Variants in FAM135A observed in about 807,000 individuals in gnomAD.
The protein encoded by FAM135A is family with sequence similarity 135 member A.
Under a neutral mutation model 146.8 loss-of-function variants are expected in FAM135A, and 79 were observed. That is an observed-to-expected ratio of 0.54 (90% CI 0.45 to 0.65). The LOEUF (loss-of-function observed/expected upper bound fraction) is 0.65, where lower values mean the gene tolerates loss of function less well. Ranked by LOEUF, FAM135A falls within the 30% of genes least tolerant of loss-of-function variation. The pLI is 0.00. For missense variants in FAM135A, 1,623 were observed against 1,758.2 expected, an observed-to-expected ratio of 0.92 and a Z score of 1.38; for synonymous variants, 562 against 603.6, an observed-to-expected ratio of 0.93 and a Z score of 1.01.
chr6:70,547,879 A>G (rs1338763762), intron 20 of FAM135A, among the ~76,000 whole-genome samples: 1 of 152,190 alleles, frequency 6.6e-6, no homozygotes, highest in Non-Finnish European at 1.5e-5. Context: ...CATCCTATAA[A>G]TAGGGAAATC....
At chr6:70,438,306 C>T (rs1188261678) in intron 4 of FAM135A, among the ~76,000 whole-genome samples, 1 of 152,168 alleles carries the variant, frequency 6.6e-6, no homozygotes, top group Non-Finnish European at 1.5e-5. Context: ...CAGTAATCCT[C>T]CCTTAAGTAG....
At chr6:70,551,874 G>A (rs564654565) in intron 20 of FAM135A, among the ~76,000 whole-genome samples, 1 of 152,190 alleles carries the variant, frequency 6.6e-6, no homozygotes, top group East Asian at 1.9e-4. Flanking sequence ...ACTGATCACA[G>A]ATCACCATAA....
At position 70,420,575 on chromosome 6, in the gene FAM135A, AC is replaced by A. The variant is rs543211280; in HGVS notation, c.-134+5200del. 3.9e-5 allele frequency among the ~76,000 whole-genome samples: 6 copies of A among 152,306 alleles called. No homozygotes were observed. In the South Asian group the frequency reaches 1.0e-3, roughly 26 times the overall value. On this transcript the variant is annotated intron_variant, in intron 2 of 21. Transcript: ENST00000418814. ...CTTTGTATGGTTTTATGTACTTAGT[AC>A]TATATTTGAAGGAGTTAACTATACA...
At chr6:70,528,975 A>ATGATTTCC (rs1340726289) in intron 16 of FAM135A, among the ~76,000 whole-genome samples, 10 of 151,450 alleles carry the variant, frequency 6.6e-5, no homozygotes, top group Admixed American at 6.6e-4. Flanking sequence ...GCTGAGAATG[A>ATGATTTCC]TGATTTCCAG....
chr6:70,465,372 C>T (rs1355073360), intron 5 of FAM135A, among the ~76,000 whole-genome samples: 2 of 152,110 alleles, frequency 1.3e-5, no homozygotes, highest in Admixed American at 6.6e-5. Context: ...ATCAGTTCTT[C>T]TGGATAAATA....
chr6:70,500,018 T>C (rs1041747819), intron 11 of FAM135A, among the ~76,000 whole-genome samples: 2 of 152,206 alleles, frequency 1.3e-5, no homozygotes, highest in Non-Finnish European at 2.9e-5. Context: ...GTTTGAATGT[T>C]GGCCTGTCAT....
chr6:70,530,063 CAA>C (rs372824722), intron 16 of FAM135A, among the ~76,000 whole-genome samples: 1 of 145,570 alleles, frequency 6.9e-6, no homozygotes, highest in Non-Finnish European at 1.5e-5. Context: ...GACTACGTCT[CAA>C]AAAAAAAAAT....
In FAM135A at chr6:70,459,902, G is replaced by A. The variant is rs535392871; in HGVS notation, c.157+7331G>A. ...AAAAATTAGCCAGGCGTGGTGGCGG[G>A]TGCCTGTAATTCCCGCTACTTGGGA... On this transcript the variant is annotated intron_variant, in intron 5 of 21. Coordinates refer to ENST00000418814, the MANE Select transcript of FAM135A (RefSeq NM_001162529.3). Among the ~76,000 whole-genome samples the A allele has an allele frequency of 5.3e-5, 8 of 152,236 alleles. No individual in the cohort carries two copies. The East Asian group carries it at 1.4e-3, about 26-fold the overall frequency.
At chr6:70,534,183 T>G (rs912930124) in intron 18 of FAM135A, among the ~76,000 whole-genome samples, 2 of 151,940 alleles carry the variant, frequency 1.3e-5, no homozygotes, top group African/African-American at 4.8e-5. Context: ...TCTGTGAATA[T>G]ATTTTAAAAC....
intron 4 of FAM135A, among the ~76,000 whole-genome samples, chr6:70,449,164 A>G (rs887890243): frequency 2.0e-5 from 3 of 152,160 alleles, no homozygotes; most frequent in African/African-American, 7.2e-5. Flanking sequence ...TAAAAGTTGT[A>G]TATATGGAGT....
At chr6:70,533,920 A>G in intron 18 of FAM135A, 66 bp downstream of exon 18, 1 of 820,592 alleles carries the variant, frequency 1.2e-6, no homozygotes, top group Non-Finnish European at 1.8e-6. Context: ...GTTAAACAGA[A>G]TTTGTGATAG....
rs1418225260 is a variant in FAM135A, at chr6:70,525,436, C to T, written c.2352C>T (p.Asn784=). The part of the protein sequence containing the change: ...SEPSSFATHP[N]TDLVFETVQG... ...CGAGTTCTTTTGCGACACATCCAAA[C>T]ACTGATTTAGTCTTTGAAACTGTGC... The change falls in exon 15 of 22, where the codon AAC becomes AAT. Residue 784 remains asparagine, a synonymous_variant. Coordinates refer to ENST00000418814, the MANE Select transcript of FAM135A (RefSeq NM_001162529.3). 6.2e-7 allele frequency: 1 copy of T among 1,613,652 alleles called. No individual in the cohort carries two copies.
At chr6:70,496,469 T>TGA (rs199964571) in intron 11 of FAM135A, among the ~76,000 whole-genome samples, 43,635 of 151,968 alleles carry the variant, frequency 0.29, 8,459 homozygotes, top group African/African-American at 0.55. Flanking sequence ...TTCACTCTGA[T>TGA]GAGTTTGTTC....
chr6:70,441,967 G>A (rs1291211628), intron 4 of FAM135A, among the ~76,000 whole-genome samples: 2 of 152,166 alleles, frequency 1.3e-5, no homozygotes, highest in African/African-American at 4.8e-5. Context: ...ACAGGCATGA[G>A]TCACCATGCT....
chr6:70,546,019 G>A (rs1205751989), intron 20 of FAM135A, among the ~76,000 whole-genome samples: 2 of 151,876 alleles, frequency 1.3e-5, no homozygotes, highest in African/African-American at 4.8e-5. Context: ...CAAGTCTCTC[G>A]AACTATTTCA....
At chr6:70,440,826 G>C (rs757028534) in intron 4 of FAM135A, among the ~76,000 whole-genome samples, 1 of 151,974 alleles carries the variant, frequency 6.6e-6, no homozygotes, top group Non-Finnish European at 1.5e-5. Flanking sequence ...AAGTTTGCAG[G>C]AAAGCTGTCT....
chr6:70,439,117 T>C (rs2127921007), intron 4 of FAM135A, among the ~76,000 whole-genome samples: 1 of 152,276 alleles, frequency 6.6e-6, no homozygotes, highest in South Asian at 2.1e-4. Context: ...AAGGCTGCGA[T>C]GAGCTGTGAT....
chr6:70,497,426 A>G (rs926236539), intron 11 of FAM135A, among the ~76,000 whole-genome samples: 3 of 152,186 alleles, frequency 2.0e-5, no homozygotes, highest in Admixed American at 1.3e-4. Context: ...TAAATAGACA[A>G]TCATGTCATC....
At chr6:70,475,329 C>T (rs919852274) in intron 5 of FAM135A, 81 bp from the exon 6 acceptor site, 2 of 1,130,332 alleles carry the variant, frequency 1.8e-6, no homozygotes, top group Non-Finnish European at 2.5e-6. Flanking sequence ...ATCAAACATA[C>T]AGTATTTTAA....
Sources: allele counts gnomAD v4.1 joint callset (sites outside exome capture counted in the v4.1 genomes callset), GRCh38; gene constraint gnomAD v4.1.1; transcripts MANE v1.5; gene names NCBI Gene and HGNC (gene_info 2026-07-23, HGNC 2026-07-21).